Variants in PPM1E observed in about 807,000 individuals in gnomAD.
PPM1E encodes protein phosphatase 1E.
PPM1E carries 20 observed loss-of-function variants against 65.9 expected under a neutral mutation model. The observed-to-expected ratio is 0.30, with a 90% CI of 0.21 to 0.44. PPM1E has a LOEUF of 0.44. Among genes scored for constraint, PPM1E ranks in the 20% least tolerant of loss-of-function variants. The pLI is 1.00. For missense variants in PPM1E, 713 were observed against 953.1 expected, an observed-to-expected ratio of 0.75 and a Z score of 3.32; for synonymous variants, 352 against 374.9, an observed-to-expected ratio of 0.94 and a Z score of 0.70.
intron 1 of PPM1E, among the ~76,000 whole-genome samples, chr17:58,903,900 A>T (rs1472413695): frequency 2.6e-5 from 4 of 152,204 alleles, no homozygotes; most frequent in African/African-American, 9.6e-5. Context: ...CCAAATAAAT[A>T]TATAATTGTG....
At chr17:58,760,898 A>G (rs1286485708) in intron 1 of PPM1E, among the ~76,000 whole-genome samples, 1 of 152,230 alleles carries the variant, frequency 6.6e-6, no homozygotes, top group Non-Finnish European at 1.5e-5. Context: ...AAATTAGTCA[A>G]AGGAAGAGAG....
At chr17:58,805,202 G>A (rs2050293971) in intron 1 of PPM1E, among the ~76,000 whole-genome samples, 1 of 151,906 alleles carries the variant, frequency 6.6e-6, no homozygotes, top group Non-Finnish European at 1.5e-5. Context: ...CTGAGATTTT[G>A]GTGCACCAGT....
At chr17:58,895,371 A>C (rs1387128376) in intron 1 of PPM1E, among the ~76,000 whole-genome samples, 2 of 152,212 alleles carry the variant, frequency 1.3e-5, no homozygotes, top group Non-Finnish European at 2.9e-5. Flanking sequence ...CAAAAGCTAG[A>C]AATGATTAAG....
rs1189841711 is a variant in PPM1E, at chr17:58,984,323, A to G, written c.*3292A>G. The G allele has an allele frequency of 6.5e-6, 1 of 152,674 alleles. No individual in the cohort carries two copies. The highest frequency in any genetic ancestry group is 2.4e-5 in the African/African-American group (1 of 41,468). The allele number at this position is 152,674 out of a possible 1,614,324, so 9.5% of individuals were successfully genotyped here. Reference sequence around the variant, plus strand: ...ACACTGTGCCAGTGAGAAGTGCAACATCCAGTGGGCAGATGAAAATGATGC... The same window carrying G: ...ACACTGTGCCAGTGAGAAGTGCAACGTCCAGTGGGCAGATGAAAATGATGC... On this transcript the variant is annotated 3_prime_UTR_variant, in exon 7 of 7. Coordinates refer to ENST00000308249, the MANE Select transcript of PPM1E (RefSeq NM_014906.5).
At chr17:58,941,691 CA>C (rs772567524) in intron 1 of PPM1E, among the ~76,000 whole-genome samples, 1,227 of 63,062 alleles carry the variant, frequency 0.019, 9 homozygotes, top group African/African-American at 0.053. Context: ...GACTCCATCT[CA>C]AAAAAAAAAA....
intron 1 of PPM1E, chr17:58,951,317 A>G (rs1434903885): frequency 1.3e-5 from 2 of 152,128 alleles, no homozygotes; most frequent in Non-Finnish European, 2.9e-5. Context: ...TGGCATCAAT[A>G]TGGTGACCTT....
intron 1 of PPM1E, among the ~76,000 whole-genome samples, chr17:58,815,234 T>G (rs1400182438): frequency 6.6e-6 from 1 of 152,210 alleles, no homozygotes; most frequent in Non-Finnish European, 1.5e-5. Flanking sequence ...TTATAAGACA[T>G]TATTATAGCT....
intron 1 of PPM1E, among the ~76,000 whole-genome samples, chr17:58,776,064 T>G (rs981912359): frequency 6.6e-6 from 1 of 150,914 alleles, no homozygotes; most frequent in Non-Finnish European, 1.5e-5. Flanking sequence ...AGGCCAGACA[T>G]GGTGGCTCAC....
At chr17:58,865,630 G>T (rs1425920606) in intron 1 of PPM1E, among the ~76,000 whole-genome samples, 1 of 152,162 alleles carries the variant, frequency 6.6e-6, no homozygotes, top group Non-Finnish European at 1.5e-5. Flanking sequence ...AGCCTGGAAG[G>T]TTGAGGCTGC....
At chr17:58,783,157 G>C (rs529161668) in intron 1 of PPM1E, among the ~76,000 whole-genome samples, 54 of 152,296 alleles carry the variant, frequency 3.5e-4, no homozygotes, top group African/African-American at 1.1e-3. Flanking sequence ...TAAGCAATGA[G>C]TAAGGACTTT....
intron 1 of PPM1E, among the ~76,000 whole-genome samples, chr17:58,808,054 G>T (rs1304286691): frequency 2.0e-5 from 3 of 152,118 alleles, no homozygotes; most frequent in Middle Eastern, 3.2e-3. Context: ...GCGTATGTGT[G>T]TTTATATGTG....
intron 1 of PPM1E, among the ~76,000 whole-genome samples, chr17:58,810,293 C>T (rs1275157727): frequency 5.3e-5 from 8 of 152,134 alleles, no homozygotes; most frequent in East Asian, 3.9e-4. Flanking sequence ...CTGCAACCTC[C>T]GCCTCTGGGT....
chr17:58,837,707 A>G (rs535070686), intron 1 of PPM1E, among the ~76,000 whole-genome samples: 1 of 152,266 alleles, frequency 6.6e-6, no homozygotes, highest in South Asian at 2.1e-4. Flanking sequence ...CGTGTCAGCC[A>G]GGATGGTCTC....
At chr17:58,771,254 T>TTC (rs2049935166) in intron 1 of PPM1E, among the ~76,000 whole-genome samples, 1 of 152,082 alleles carries the variant, frequency 6.6e-6, no homozygotes, top group Non-Finnish European at 1.5e-5. Context: ...AAATTATAGG[T>TTC]TCCATGCATA....
chr17:58,768,584 G>T (rs2049905374), intron 1 of PPM1E, among the ~76,000 whole-genome samples: 1 of 152,116 alleles, frequency 6.6e-6, no homozygotes, highest in African/African-American at 2.4e-5. Flanking sequence ...CCGTCTAAGG[G>T]TTTTGCACCA....
intron 1 of PPM1E, among the ~76,000 whole-genome samples, chr17:58,935,641 G>A (rs2051970157): frequency 6.6e-6 from 1 of 152,076 alleles, no homozygotes; most frequent in Non-Finnish European, 1.5e-5. Context: ...TCTTATTTTT[G>A]TGATCTTATA....
intron 1 of PPM1E, among the ~76,000 whole-genome samples, chr17:58,807,698 A>G (rs1229661709): frequency 6.6e-6 from 1 of 152,234 alleles, no homozygotes; most frequent in Non-Finnish European, 1.5e-5. Context: ...ACAAATGGAT[A>G]AGGAAAAGAC....
chr17:58,894,410 T>A lies in PPM1E; in HGVS notation c.465-61239T>A, dbSNP rs2051386391. ...CTTAAGTGAAGCTGGATTTAAAGCA[T>A]TTTTTTTCTGCAAGTGAATGATAGT... On this transcript the variant is annotated intron_variant, in intron 1 of 6. Coordinates refer to ENST00000308249, the MANE Select transcript of PPM1E (RefSeq NM_014906.5). Among the ~76,000 whole-genome samples the A allele has an allele frequency of 3.9e-5, 6 of 152,024 alleles. No homozygotes were observed. In the South Asian group the frequency reaches 1.2e-3, roughly 32 times the overall value.
At chr17:58,956,321 A>C (rs1338466411) in intron 2 of PPM1E, among the ~76,000 whole-genome samples, 1 of 152,054 alleles carries the variant, frequency 6.6e-6, no homozygotes, top group Non-Finnish European at 1.5e-5. Context: ...CTGTGGTCCT[A>C]GCTATTCGGG....
Sources: allele counts gnomAD v4.1 joint callset (sites outside exome capture counted in the v4.1 genomes callset), GRCh38; gene constraint gnomAD v4.1.1; transcripts MANE v1.5; gene names NCBI Gene and HGNC (gene_info 2026-07-23, HGNC 2026-07-21).